Variants in RNF2 observed in about 807,000 individuals in gnomAD.
RNF2 encodes the protein E3 ubiquitin-protein ligase RING2.
RNF2 carries 6 observed loss-of-function variants against 37.2 expected under a neutral mutation model. The observed-to-expected ratio is 0.16, with a 90% CI of 0.09 to 0.32. RNF2 has a LOEUF of 0.32. Ranked by LOEUF, RNF2 falls within the 10% of genes least tolerant of loss-of-function variation. RNF2 has a pLI of 1.00. For missense variants in RNF2, 251 were observed against 404.0 expected (o/e 0.62, Z 3.25); for synonymous variants, 133 against 132.7 (o/e 1.00, Z -0.02).
At chr1:185,091,846 G>A (rs1012221946) in intron 3 of RNF2, 107 bp downstream of exon 3, 61 of 1,127,192 alleles carry the variant, frequency 5.4e-5, no homozygotes, top group Admixed American at 7.2e-5. Flanking sequence ...ACAGAGTTTC[G>A]CTTTTCTTGC....
At chr1:185,081,411 G>A (rs1030064921) in intron 1 of RNF2, among the ~76,000 whole-genome samples, 1 of 140,166 alleles carries the variant, frequency 7.1e-6, no homozygotes, top group Admixed American at 7.2e-5. Context: ...TTTTTTTTTT[G>A]AGGTGGAGTT....
intron 1 of RNF2, among the ~76,000 whole-genome samples, chr1:185,085,421 C>T (rs1321946733): frequency 6.6e-6 from 1 of 151,916 alleles, no homozygotes; most frequent in East Asian, 1.9e-4. Context: ...CAAGCGTGAG[C>T]CACCGCGCCC....
chr1:185,093,153 A>G lies in RNF2; in HGVS notation c.341A>G (p.Tyr114Cys). Residue 114 changes from tyrosine (Y) to cysteine (C), a missense_variant, in exon 4 of 7, where the codon TAT (tyrosine) becomes TGT (cysteine). Transcript: ENST00000367510. ...PNFDALISKI[Y>C]PSRDEYEAHQ... ...TTTGATGCACTCATCAGCAAAATTT[A>G]TCCAAGTCGTGATGAGTATGAAGCT... The G allele has an allele frequency of 6.2e-7, 1 of 1,614,096 alleles. No homozygotes were observed. The highest frequency in any genetic ancestry group is 8.5e-7 in the Non-Finnish European group (1 of 1,179,972).
Position 185,091,618 on chromosome 1 carries a change from C to T in RNF2, c.127C>T (p.Arg43Ter). ...TDGLEIVVSPRSLHSELMCPI... is the reference protein window; with the variant it reads ...TDGLEIVVSP ...TGGCTTAGAAATTGTGGTTTCACCT[C>T]GAAGTCTACACAGTGAATTAATGTG... is the stretch of plus-strand genomic sequence containing the variant. Residue 43 changes from arginine (R) to a stop codon, truncating the protein, a stop_gained, in exon 3 of 7, where the codon CGA becomes TGA. Transcript: ENST00000367510. LOFTEE classifies it high-confidence loss of function. 6.2e-7 allele frequency: 1 copy of T among 1,613,998 alleles called. No individual in the cohort carries two copies. The highest frequency in any genetic ancestry group is 8.5e-7 in the Non-Finnish European group (1 of 1,180,010).
intron 2 of RNF2, 99 bp from the exon 3 acceptor site, chr1:185,091,480 T>C (rs1651763838): frequency 8.3e-7 from 1 of 1,211,786 alleles, no homozygotes. Context: ...GATGGGTACA[T>C]ATATGTTTGT....
Position 185,101,775 on chromosome 1 carries a change from G to C in RNF2, c.*1474G>C, listed in dbSNP as rs1013371949. ...TTCAGCCCGGTATGAAAACTTAAAG[G>C]TATATATTCAATTTTTTACCATTTT... On this transcript the variant is annotated 3_prime_UTR_variant, in exon 7 of 7. Transcript: ENST00000367510. The C allele has an allele frequency of 6.8e-6, 1 of 147,406 alleles. No individual in the cohort carries two copies. Among genetic ancestry groups the C allele is most frequent in the African/African-American group, 2.5e-5 (1 of 39,766 alleles). The allele number at this position is 147,406 out of a possible 1,614,324, so 9.1% of individuals were successfully genotyped here.
At chr1:185,080,376 C>T (rs1054850137) in intron 1 of RNF2, among the ~76,000 whole-genome samples, 3 of 152,028 alleles carry the variant, frequency 2.0e-5, no homozygotes, top group Non-Finnish European at 4.4e-5. Flanking sequence ...AAGATTAAAT[C>T]GATTTTGGGG....
intron 1 of RNF2, among the ~76,000 whole-genome samples, chr1:185,065,741 C>T (rs542404695): frequency 2.6e-5 from 4 of 152,324 alleles, no homozygotes; most frequent in African/African-American, 9.6e-5. Context: ...TGAAGTTCTG[C>T]GGCTTCGTTC....
chr1:185,047,385 T>A (rs1158212354), intron 1 of RNF2, among the ~76,000 whole-genome samples: 1 of 152,262 alleles, frequency 6.6e-6, no homozygotes, highest in East Asian at 1.9e-4. Context: ...TTTCTCTGCC[T>A]GTGTGAAGCT....
chr1:185,061,130 T>C (rs573392417), intron 1 of RNF2, among the ~76,000 whole-genome samples: 171 of 24,774 alleles, frequency 6.9e-3, no homozygotes, highest in East Asian at 0.041. Flanking sequence ...CTCTCTCTCT[T>C]TTTTTTTTTT....
chr1:185,059,252 GTTTTTC>G (rs1650530147), intron 1 of RNF2, among the ~76,000 whole-genome samples: 1 of 151,198 alleles, frequency 6.6e-6, no homozygotes, highest in South Asian at 2.1e-4. Context: ...CTCCGTAATA[GTTTTTC>G]TTTTTCTTTT....
At chr1:185,091,547 T>C (rs1651765449) in intron 2 of RNF2, 32 bp from the exon 3 acceptor site, 1 of 1,601,256 alleles carries the variant, frequency 6.2e-7, no homozygotes, top group African/African-American at 1.3e-5. Flanking sequence ...AAAAATTAAG[T>C]AGCTTTTAAT....
chr1:185,059,587 G>A (rs1457267498), intron 1 of RNF2, among the ~76,000 whole-genome samples: 1 of 152,164 alleles, frequency 6.6e-6, no homozygotes, highest in Non-Finnish European at 1.5e-5. Context: ...CCTGGTTGCA[G>A]CAGACATCTT....
intron 1 of RNF2, among the ~76,000 whole-genome samples, chr1:185,064,304 A>G (rs1650735616): frequency 6.6e-6 from 1 of 152,220 alleles, no homozygotes; most frequent in African/African-American, 2.4e-5. Context: ...TTATTGCACC[A>G]ATAATAATAG....
At chr1:185,079,501 A>C (rs547631028) in intron 1 of RNF2, among the ~76,000 whole-genome samples, 1 of 152,310 alleles carries the variant, frequency 6.6e-6, no homozygotes, top group East Asian at 1.9e-4. Flanking sequence ...CTTTGAAACA[A>C]CCAGTCTGCT....
chr1:185,063,155 A>G (rs1445486208), intron 1 of RNF2, among the ~76,000 whole-genome samples: 2 of 152,194 alleles, frequency 1.3e-5, no homozygotes, highest in East Asian at 1.9e-4. Context: ...ATTCTGAGCA[A>G]TGTCTTTATT....
In RNF2 at chr1:185,100,491, T is replaced by G. The variant is rs1652047060; in HGVS notation, c.*190T>G. On this transcript the variant is annotated 3_prime_UTR_variant, in exon 7 of 7. Coordinates refer to ENST00000367510, the MANE Select transcript of RNF2 (RefSeq NM_007212.4). ...ATTTCCTTTTTGGAAGGGACTGCAA[T>G]TATTCAGTATTTTTTTCTTTCCTTT... The G allele has an allele frequency of 2.5e-6, 1 of 394,934 alleles. No individual in the cohort carries two copies. The allele number at this position is 394,934 out of a possible 1,614,324, so 24.5% of individuals were successfully genotyped here.
intron 1 of RNF2, among the ~76,000 whole-genome samples, chr1:185,069,593 G>A (rs767884777): frequency 6.6e-6 from 1 of 152,050 alleles, no homozygotes; most frequent in African/African-American, 2.4e-5. Context: ...TCTGACCAAA[G>A]AGTAAAGGCC....
chr1:185,068,106 C>T (rs774517124), intron 1 of RNF2, among the ~76,000 whole-genome samples: 18 of 152,120 alleles, frequency 1.2e-4, no homozygotes, highest in Non-Finnish European at 2.6e-4. Context: ...CAGGTTCAAG[C>T]GATTCTCCTG....
Sources: gnomAD v4.1 joint callset for allele counts (sites outside exome capture counted in the v4.1 genomes callset) on GRCh38, gnomAD v4.1.1 for gene constraint, MANE v1.5 for transcripts, NCBI Gene and HGNC (gene_info 2026-07-23, HGNC 2026-07-21) for gene names.